The following EMSY variants were observed in gnomAD, a reference collection of about 807,000 sequenced individuals.
EMSY encodes the protein BRCA2-interacting transcriptional repressor EMSY.
Under a neutral mutation model 134.6 loss-of-function variants are expected in EMSY, and 26 were observed. The ratio of observed to expected loss-of-function variants is 0.19; its 90% confidence interval spans 0.14 to 0.27. The LOEUF (loss-of-function observed/expected upper bound fraction) is 0.27, where lower values mean the gene tolerates loss of function less well. EMSY is among the 10% of genes least tolerant of loss of function. The pLI, the probability that EMSY is intolerant of heterozygous loss-of-function variation, is 1.00. For synonymous variants in EMSY, 579 were observed against 577.8 expected (o/e 1.00, Z -0.03); for missense variants, 1,305 against 1,611.4 (o/e 0.81, Z 3.26).
intron 6 of EMSY, among the ~76,000 whole-genome samples, chr11:76,462,830 C>G (rs1948179778): frequency 1.3e-5 from 2 of 152,164 alleles, no homozygotes; most frequent in Admixed American, 6.5e-5. Context: ...TGTGCCTCAT[C>G]TTGTAGGGAG....
chr11:76,445,378 ACT>A (rs758182849), intron 1 of EMSY, among the ~76,000 whole-genome samples: 8 of 149,546 alleles, frequency 5.3e-5, no homozygotes, highest in Non-Finnish European at 1.2e-4. Context: ...CCGCTGGCTT[ACT>A]CTCTCTCGGT....
At chr11:76,510,651 T>G (rs1233853011) in intron 9 of EMSY, among the ~76,000 whole-genome samples, 2 of 152,190 alleles carry the variant, frequency 1.3e-5, no homozygotes, top group Admixed American at 1.3e-4. Flanking sequence ...AGGTAGAGCT[T>G]TGTCCACAAA....
intron 7 of EMSY, among the ~76,000 whole-genome samples, chr11:76,467,211 A>G (rs375860559): frequency 6.6e-4 from 101 of 152,272 alleles, no homozygotes; most frequent in African/African-American, 2.2e-3. Context: ...AGCTGGCCCT[A>G]TATTAGGTGG....
intron 11 of EMSY, among the ~76,000 whole-genome samples, chr11:76,519,720 T>C (rs980119974): frequency 2.0e-5 from 3 of 152,202 alleles, no homozygotes; most frequent in African/African-American, 7.2e-5. Context: ...AAATTTGTGT[T>C]CTTCTTTAAG....
intron 12 of EMSY, 85 bp from the exon 14 acceptor site, chr11:76,526,377 G>T (rs1178669029): frequency 2.0e-6 from 2 of 1,024,074 alleles, no homozygotes; most frequent in South Asian, 2.5e-5. Flanking sequence ...CATCATCCTG[G>T]TAAAACCTTA....
intron 14 of EMSY, among the ~76,000 whole-genome samples, chr11:76,532,604 A>G (rs1951083515): frequency 6.6e-6 from 1 of 152,110 alleles, no homozygotes; most frequent in Non-Finnish European, 1.5e-5. Flanking sequence ...AATGGGTTCC[A>G]GATTTTTTTT....
intron 8 of EMSY, among the ~76,000 whole-genome samples, chr11:76,489,849 T>C (rs889895626): frequency 1.6e-4 from 25 of 152,092 alleles, no homozygotes; most frequent in Non-Finnish European, 2.9e-5. Context: ...TGGTGATCCA[T>C]CCACCTCGGC....
intron 9 of EMSY, among the ~76,000 whole-genome samples, chr11:76,500,591 A>G (rs887127220): frequency 1.3e-5 from 2 of 152,264 alleles, no homozygotes; most frequent in African/African-American, 4.8e-5. Context: ...CAAAATTCGG[A>G]TTACAGAGTA....
intron 12 of EMSY, among the ~76,000 whole-genome samples, chr11:76,525,821 A>G (rs1048713856): frequency 1.3e-5 from 2 of 152,134 alleles, no homozygotes; most frequent in African/African-American, 2.4e-5. Flanking sequence ...TTAACAATAT[A>G]TAACATTCTT....
In EMSY at chr11:76,446,266, G is replaced by A. The variant is rs79154213; in HGVS notation, c.-39-634G>A. On this transcript the variant is annotated intron_variant, in intron 1 of 20. Transcript: ENST00000334736. ...GGTAAATGGCTGTTTAATAACTACA[G>A]GATCAAAATTCATATTCCATTAAGA... Among the ~76,000 whole-genome samples the A allele has an allele frequency of 4.5e-3, 678 of 150,664 alleles. 5 individuals carry two copies. The highest frequency in any genetic ancestry group is 0.016 in the African/African-American group (640 of 40,798).
chr11:76,464,055 A>G, exon 7 of EMSY: 1 of 1,614,208 alleles, frequency 6.2e-7, no homozygotes, highest in Non-Finnish European at 8.5e-7. Flanking sequence ...CCATCAACAC[A>G]GACAACAAAC....
rs576969426 is a variant in EMSY, at chr11:76,467,530, C to G, written c.831+3450C>G. 2.6e-5 allele frequency among the ~76,000 whole-genome samples: 4 copies of G among 152,274 alleles called. No homozygotes were observed. The East Asian group carries it at 7.7e-4, about 29-fold the overall frequency. ...GACTATAAGCTGCTAAGGGTAGAGA[C>G]TTTGTCTTATTCTTCAATGTATTCC... On this transcript the variant is annotated intron_variant, in intron 7 of 20. Coordinates refer to ENST00000334736, the Ensembl canonical transcript of EMSY.
chr11:76,455,643 G>A (rs946816809), intron 4 of EMSY, among the ~76,000 whole-genome samples: 15 of 152,142 alleles, frequency 9.9e-5, no homozygotes, highest in African/African-American at 3.4e-4. Flanking sequence ...GCACAAAGGA[G>A]GGGGAAACAA....
At chr11:76,533,524 G>A (rs1056258211) in intron 14 of EMSY, among the ~76,000 whole-genome samples, 2 of 152,140 alleles carry the variant, frequency 1.3e-5, no homozygotes, top group African/African-American at 4.8e-5. Context: ...ATATTGTGAA[G>A]ATTATAGTAT....
chr11:76,458,493 A>G, intron 5 of EMSY, 135 bp downstream of exon 6: 1 of 895,256 alleles, frequency 1.1e-6, no homozygotes, highest in Non-Finnish European at 1.5e-6. Flanking sequence ...AGGAAACTCT[A>G]ATTCTGAAAT....
At chr11:76,459,781 G>T in intron 5 of EMSY, 152 bp from the exon 7 acceptor site, 1 of 679,666 alleles carries the variant, frequency 1.5e-6, no homozygotes. Context: ...GGTTATTAAT[G>T]CCTTTTAATC....
chr11:76,535,885 T>C lies in EMSY; in HGVS notation c.2195-10T>C, dbSNP rs574108798. 1.3e-5 allele frequency: 19 copies of C among 1,483,448 alleles called. No homozygotes were observed. Among genetic ancestry groups the C allele is most frequent in the Non-Finnish European group, 1.7e-5 (19 of 1,114,694 alleles). The allele number at this position is 1,483,448 out of a possible 1,614,324, so 91.9% of individuals were successfully genotyped here. A position where few individuals can be genotyped will look rare whatever the true frequency, so the allele number is the denominator to read the frequency against. On this transcript the variant is annotated splice_polypyrimidine_tract_variant and intron_variant, in intron 14 of 20. Coordinates refer to ENST00000334736, the Ensembl canonical transcript of EMSY. ...ATAGGGTTTGTTTTTTTTTAACTAA[T>C]ATAAAACAGATTCCCAGCCTGTAGT... is the stretch of plus-strand genomic sequence containing the variant.
chr11:76,513,506 T>G (rs532346807), exon 10 of EMSY: 3 of 1,613,550 alleles, frequency 1.9e-6, no homozygotes, highest in Non-Finnish European at 2.5e-6. Flanking sequence ...GGTGCAATTA[T>G]GACAACTAAA....
At chr11:76,452,529 A>G (rs1330207954) in intron 3 of EMSY, among the ~76,000 whole-genome samples, 1 of 152,154 alleles carries the variant, frequency 6.6e-6, no homozygotes, top group Non-Finnish European at 1.5e-5. Context: ...TATATTTCTC[A>G]TAAATTCTGT....
Sources: allele counts gnomAD v4.1 joint callset (sites outside exome capture counted in the v4.1 genomes callset), GRCh38; gene constraint gnomAD v4.1.1; transcripts MANE v1.5; gene names NCBI Gene and HGNC (gene_info 2026-07-23, HGNC 2026-07-21).